The following PDPK1 variants were observed in gnomAD, a reference collection of about 807,000 sequenced individuals.
The protein encoded by PDPK1 is 3-phosphoinositide-dependent protein kinase 1.
In PDPK1, 7 loss-of-function variants were observed where a neutral mutation model predicts 39.8. That is an observed-to-expected ratio of 0.18 (90% CI 0.10 to 0.33). The LOEUF is 0.33. PDPK1 is among the 10% of genes least tolerant of loss of function. The probability of loss-of-function intolerance (pLI) is 1.00; values close to 1 mark genes in which losing one functional copy is unlikely to be tolerated. For synonymous variants in PDPK1, 118 were observed against 159.1 expected (o/e 0.74, Z 1.95); for missense variants, 182 against 384.7 (o/e 0.47, Z 4.41).
chr16:2,552,539 G>C (rs2066434655), intron 1 of PDPK1, among the ~76,000 whole-genome samples: 1 of 147,874 alleles, frequency 6.8e-6, no homozygotes, highest in Non-Finnish European at 1.5e-5. Flanking sequence ...CCAGCACCTG[G>C]TGGTCCCATC....
At chr16:2,538,749 C>T (rs1567140355) in intron 1 of PDPK1, 5 of 1,286,106 alleles carry the variant, frequency 3.9e-6, no homozygotes, top group Non-Finnish European at 5.1e-6. Flanking sequence ...GCAGGATCAC[C>T]GAGGGGAAAG....
At chr16:2,589,696 GAAA>G (rs530064221) in intron 11 of PDPK1, among the ~76,000 whole-genome samples, 84 of 74,662 alleles carry the variant, frequency 1.1e-3, no homozygotes, top group African/African-American at 3.5e-3. Context: ...CTCAAAATTG[GAAA>G]AAAAAAAAAA....
At chr16:2,559,534 CTT>C (rs1193126327) in intron 2 of PDPK1, among the ~76,000 whole-genome samples, 3 of 150,858 alleles carry the variant, frequency 2.0e-5, no homozygotes, top group Non-Finnish European at 4.4e-5. Context: ...TTGTATGTCT[CTT>C]TTTAATTTAA....
intron 1 of PDPK1, among the ~76,000 whole-genome samples, chr16:2,546,378 G>C (rs994214169): frequency 1.1e-4 from 17 of 151,818 alleles, no homozygotes; most frequent in Admixed American, 6.6e-4. Flanking sequence ...CTGTCGCCCA[G>C]TCTGGAGTGC....
At chr16:2,544,683 A>AAG in intron 1 of PDPK1, among the ~76,000 whole-genome samples, 1 of 151,724 alleles carries the variant, frequency 6.6e-6, no homozygotes, top group Non-Finnish European at 1.5e-5. Flanking sequence ...TCCTGGGTTC[A>AAG]CACCATTCTC....
chr16:2,592,817 C>G (rs545321876), intron 11 of PDPK1: 5 of 456,362 alleles, frequency 1.1e-5, no homozygotes. Context: ...TCTGTCCATG[C>G]ACCCTGGGCC....
chr16:2,588,679 C>A (rs2066926523), intron 11 of PDPK1, among the ~76,000 whole-genome samples: 1 of 152,116 alleles, frequency 6.6e-6, no homozygotes, highest in Non-Finnish European at 1.5e-5. Context: ...ATTTTAGGTC[C>A]TTTTGGGAAG....
chr16:2,541,082 G>A (rs1170289120), intron 1 of PDPK1, among the ~76,000 whole-genome samples: 1 of 152,230 alleles, frequency 6.6e-6, no homozygotes, highest in East Asian at 1.9e-4. Flanking sequence ...TCTAGAGCTG[G>A]CAAGGTGAGC....
At chr16:2,546,428 G>A (rs1034182729) in intron 1 of PDPK1, among the ~76,000 whole-genome samples, 7 of 152,006 alleles carry the variant, frequency 4.6e-5, no homozygotes, top group African/African-American at 1.5e-4. Context: ...CCACCTCCCC[G>A]GTTCAAGCGA....
intron 1 of PDPK1, among the ~76,000 whole-genome samples, chr16:2,541,851 TC>T (rs2066250948): frequency 6.6e-6 from 1 of 152,114 alleles, no homozygotes; most frequent in Non-Finnish European, 1.5e-5. Flanking sequence ...GGTTGTATGT[TC>T]CGTCTCTAGC....
chr16:2,596,301 C>G (rs1412767247), intron 12 of PDPK1, among the ~76,000 whole-genome samples: 1 of 152,242 alleles, frequency 6.6e-6, no homozygotes, highest in African/African-American at 2.4e-5. Context: ...ACACCATTCT[C>G]CTGCCTCAGC....
intron 10 of PDPK1, among the ~76,000 whole-genome samples, chr16:2,585,386 A>G (rs1372881211): frequency 6.6e-6 from 1 of 152,190 alleles, no homozygotes; most frequent in East Asian, 1.9e-4. Context: ...AGTCTTGGCA[A>G]ACGGTGTCAA....
intron 1 of PDPK1, among the ~76,000 whole-genome samples, chr16:2,551,538 C>T (rs2066408196): frequency 6.6e-6 from 1 of 151,206 alleles, no homozygotes; most frequent in Non-Finnish European, 1.5e-5. Flanking sequence ...TTCCCAGGCT[C>T]CAGAGCACAC....
At chr16:2,577,771 G>A (rs548040532) in intron 7 of PDPK1, among the ~76,000 whole-genome samples, 1 of 149,510 alleles carries the variant, frequency 6.7e-6, no homozygotes, top group African/African-American at 2.5e-5. Context: ...ACGGAGTCTC[G>A]CTCTGTCTCC....
Position 2,597,110 on chromosome 16 carries a change from G to A in PDPK1, c.1402-13G>A. On this transcript the variant is annotated splice_polypyrimidine_tract_variant and intron_variant, in intron 12 of 13. Transcript: ENST00000342085. The surrounding 1 kb of genome is among the most constrained non-coding windows in gnomAD (Gnocchi z 6.3). ...TGGCCTCTGAGGCCTGTTGTTTTGTGTTTTGGCGTCAGGGTTTATTTGCAA... is the reference window on the plus strand; with the variant it reads ...TGGCCTCTGAGGCCTGTTGTTTTGTATTTTGGCGTCAGGGTTTATTTGCAA... The A allele has an allele frequency of 6.5e-7, 1 of 1,548,702 alleles. No individual in the cohort carries two copies. The highest frequency in any genetic ancestry group is 8.8e-7 in the Non-Finnish European group (1 of 1,139,924).
chr16:2,595,278 T>A (rs144537676), intron 11 of PDPK1, among the ~76,000 whole-genome samples: 133 of 152,350 alleles, frequency 8.7e-4, no homozygotes, highest in African/African-American at 3.1e-3. Flanking sequence ...CCAGAGGAGA[T>A]GTTCTTACGT....
At position 2,538,090 on chromosome 16, in the gene PDPK1, G is replaced by T. The variant is rs1597008624; in HGVS notation, c.-23G>T. On this transcript the variant is annotated 5_prime_UTR_variant, in exon 1 of 14. Transcript: ENST00000342085. ...CGAGCCGCGCAGCGCTGCGGGGGAGGCGCCCGCGCCGACGCGGGGCCCATG... is the reference window on the plus strand; with the variant it reads ...CGAGCCGCGCAGCGCTGCGGGGGAGTCGCCCGCGCCGACGCGGGGCCCATG... 2 of 1,030,862 alleles carry T rather than the reference G, an allele frequency of 1.9e-6. No individual in the cohort carries two copies. The highest frequency in any genetic ancestry group is 2.3e-6 in the Non-Finnish European group (2 of 855,562). 63.9% of individuals were successfully genotyped at this position (1,030,862 alleles called of 1,614,324 possible). A position where few individuals can be genotyped will look rare whatever the true frequency, so the allele number is the denominator to read the frequency against.
At chr16:2,590,515 A>G (rs1388797161) in intron 11 of PDPK1, among the ~76,000 whole-genome samples, 1 of 150,472 alleles carries the variant, frequency 6.6e-6, no homozygotes, top group African/African-American at 2.5e-5. Context: ...CGCAAACATG[A>G]GTGTGCAGCC....
At position 2,599,791 on chromosome 16, in the gene PDPK1, G is replaced by A. The variant is rs187363186; in HGVS notation, c.*2024G>A. ...GTGGCTCTCTCAGATCTCTCAGGGC[G>A]TCTGGTTATAGGGAAACAAGTGGAG... On this transcript the variant is annotated 3_prime_UTR_variant, in exon 14 of 14. Coordinates refer to ENST00000342085, the MANE Select transcript of PDPK1 (RefSeq NM_002613.5). 24 of 233,740 alleles carry A rather than the reference G, an allele frequency of 1.0e-4. No individual in the cohort carries two copies. Among genetic ancestry groups the A allele is most frequent in the Admixed American group, 9.0e-4 (16 of 17,806 alleles). The allele number at this position is 233,740 out of a possible 1,614,324, so 14.5% of individuals were successfully genotyped here. A position where few individuals can be genotyped will look rare whatever the true frequency, so the allele number is the denominator to read the frequency against.
Sources: allele counts gnomAD v4.1 joint callset (sites outside exome capture counted in the v4.1 genomes callset), GRCh38; gene constraint gnomAD v4.1.1; non-coding constraint Gnocchi (gnomAD v3.1); transcripts MANE v1.5; gene names NCBI Gene and HGNC (gene_info 2026-07-23, HGNC 2026-07-21).